AMBP: variants seen among roughly 807,000 people sequenced by gnomAD.
AMBP encodes the protein protein AMBP.
Under a neutral mutation model 46.3 loss-of-function variants are expected in AMBP, and 37 were observed. The observed-to-expected ratio is 0.80, with a 90% CI of 0.61 to 1.05. AMBP has a LOEUF of 1.05. Among genes scored for constraint, AMBP ranks in the 50% least tolerant of loss-of-function variants. The pLI is 0.00. For missense variants in AMBP, 475 were observed against 461.2 expected (o/e 1.03, Z -0.27); for synonymous variants, 174 against 175.9 (o/e 0.99, Z 0.09).
intron 3 of AMBP, 84 bp downstream of exon 3, chr9:114,074,876 G>T (rs746000339): frequency 3.2e-6 from 4 of 1,239,320 alleles, no homozygotes; most frequent in South Asian, 1.3e-5. Context: ...GGGAGGAAAG[G>T]TTACAGAGGC....
chr9:114,060,139 A>T lies in AMBP; in HGVS notation c.*100T>A. 1 of 1,251,066 alleles carries T rather than the reference A, an allele frequency of 8.0e-7. No individual in the cohort carries two copies. Among genetic ancestry groups the T allele is most frequent in the Non-Finnish European group, 1.1e-6 (1 of 896,694 alleles). The allele number at this position is 1,251,066 out of a possible 1,614,324, so 77.5% of individuals were successfully genotyped here. A position where few individuals can be genotyped will look rare whatever the true frequency, so the allele number is the denominator to read the frequency against. ...TGAGGACACAGAATTTCAGGAGTTTACAATTTAGTTTTTATTTGGACCCAG... is the reference window on the plus strand; with the variant it reads ...TGAGGACACAGAATTTCAGGAGTTTTCAATTTAGTTTTTATTTGGACCCAG... On this transcript the variant is annotated 3_prime_UTR_variant, in exon 10 of 10. Transcript: ENST00000265132.
rs771730642 is a variant in AMBP at position 114,078,195 on chromosome 9, C to T, written c.15G>A (p.Gly5=). ...AGGCGCTCAGCAGCAAGAGCAGGGCCCCGAGGCTCCTCATGGCTATGGGCT... is the reference window on the plus strand; with the variant it reads ...AGGCGCTCAGCAGCAAGAGCAGGGCTCCGAGGCTCCTCATGGCTATGGGCT... MRSL[G]ALLLLLSACL... Residue 5 remains glycine (G), a synonymous_variant, in exon 1 of 10, where the codon GGG becomes GGA. Transcript: ENST00000265132. 1 of 1,612,652 alleles carries T rather than the reference C, an allele frequency of 6.2e-7. No homozygotes were observed. The highest frequency in any genetic ancestry group is 8.5e-7 in the Non-Finnish European group (1 of 1,179,956).
At position 114,076,847 on chromosome 9, in the gene AMBP, T is replaced by G. The variant is rs1846818172; in HGVS notation, c.118-107A>C. 11 of 1,361,420 alleles carry G rather than the reference T, an allele frequency of 8.1e-6. No homozygotes were observed. In the South Asian group the frequency reaches 1.6e-4, roughly 19 times the overall value. 84.3% of individuals were successfully genotyped at this position (1,361,420 alleles called of 1,614,324 possible). On this transcript the variant is annotated intron_variant, in intron 1 of 9. Coordinates refer to ENST00000265132, the MANE Select transcript of AMBP (RefSeq NM_001633.4). Reference sequence around the variant, plus strand: ...CACCTCCTCCTCTTCCTCCTCCTTCTCCTCAAAATGACTTATCCTTTTAAG... The same window carrying G: ...CACCTCCTCCTCTTCCTCCTCCTTCGCCTCAAAATGACTTATCCTTTTAAG...
chr9:114,062,660 A>G lies in AMBP; in HGVS notation c.685+17T>C. 2 of 1,612,578 alleles carry G rather than the reference A, an allele frequency of 1.2e-6. No homozygotes were observed. Among genetic ancestry groups the G allele is most frequent in the Non-Finnish European group, 1.7e-6 (2 of 1,179,592 alleles). ...CTGGAGTATGGCAGAGGGGGTGAAA[A>G]GGCAGGTGTTCATTACCTTCTTTCT... On this transcript the variant is annotated intron_variant, in intron 7 of 9. Coordinates refer to ENST00000265132, the MANE Select transcript of AMBP (RefSeq NM_001633.4).
intron 4 of AMBP, 88 bp downstream of exon 4, chr9:114,073,948 A>T (rs779077024): frequency 1.6e-6 from 2 of 1,272,610 alleles, no homozygotes; most frequent in Non-Finnish European, 2.3e-6. Context: ...AAAAAGCAAA[A>T]CTCCCTGTGC....
chr9:114,064,669 A>AT (rs1846675734), intron 6 of AMBP, among the ~76,000 whole-genome samples: 1 of 152,018 alleles, frequency 6.6e-6, no homozygotes, highest in Non-Finnish European at 1.5e-5. Flanking sequence ...TAGCAAAAAA[A>AT]AAAATGAGTT....
At chr9:114,061,615 A>C (rs111823392) in intron 7 of AMBP, 24 bp from the exon 8 acceptor site, 3 of 1,574,634 alleles carry the variant, frequency 1.9e-6, no homozygotes, top group African/African-American at 2.7e-5. Context: ...GACCAGCAGC[A>C]CTGACCAAGT....
At chr9:114,073,984 A>T in intron 4 of AMBP, 52 bp downstream of exon 4, 1 of 1,554,026 alleles carries the variant, frequency 6.4e-7, no homozygotes, top group South Asian at 1.1e-5. Context: ...TCCATAAATC[A>T]ATGTCCTCCC....
intron 3 of AMBP, 137 bp downstream of exon 3, chr9:114,074,823 G>C: frequency 1.4e-6 from 1 of 712,588 alleles, no homozygotes; most frequent in Non-Finnish European, 2.5e-6. Context: ...GGAGGAAGAG[G>C]AGGAGTTGTT....
Position 114,078,274 on chromosome 9 carries a change from C to T in AMBP, c.-65G>A. The T allele has an allele frequency of 6.8e-7, 1 of 1,471,442 alleles. No homozygotes were observed. The highest frequency in any genetic ancestry group is 1.1e-5 in the South Asian group (1 of 87,792). 91.1% of individuals were successfully genotyped at this position (1,471,442 alleles called of 1,614,324 possible). ...GGTCTAGCAACAGAAGGGCCACCGC[C>T]TCCCTGCAACAGGGCAGCTGTGAAC... On this transcript the variant is annotated 5_prime_UTR_variant, in exon 1 of 10. Coordinates refer to ENST00000265132, the MANE Select transcript of AMBP (RefSeq NM_001633.4).
rs1846656483 is a variant in AMBP, at chr9:114,062,891, T to G, written c.604-133A>C. 7 of 803,290 alleles carry G rather than the reference T, an allele frequency of 8.7e-6. No individual in the cohort carries two copies. The South Asian group carries it at 1.1e-4, about 13-fold the overall frequency. 49.8% of individuals were successfully genotyped at this position (803,290 alleles called of 1,614,324 possible). On this transcript the variant is annotated intron_variant, in intron 6 of 9. Transcript: ENST00000265132. ...GTAGGAACACAGCTCTTAGACTGGT[T>G]AAAGGAGACTGTTTTCCCAAAAGTG...
At chr9:114,073,125 T>G (rs1846763416) in intron 4 of AMBP, 99 bp from the exon 5 acceptor site, 1 of 976,052 alleles carries the variant, frequency 1.0e-6, no homozygotes, top group Non-Finnish European at 1.5e-6. Flanking sequence ...TAGGGAAAAT[T>G]TGAAAACTAT....
intron 4 of AMBP, 112 bp from the exon 5 acceptor site, chr9:114,073,138 A>G (rs905032505): frequency 1.1e-6 from 1 of 890,928 alleles, no homozygotes; most frequent in Non-Finnish European, 1.7e-6. Flanking sequence ...AAAACTATTG[A>G]TGCAGTTTAA....
intron 5 of AMBP, among the ~76,000 whole-genome samples, chr9:114,071,446 G>T (rs1424469596): frequency 3.3e-5 from 5 of 152,258 alleles, no homozygotes; most frequent in Non-Finnish European, 7.3e-5. Context: ...GCCGAGTGGG[G>T]GCTGATGGCA....
intron 3 of AMBP, 94 bp downstream of exon 3, chr9:114,074,866 G>T: frequency 1.8e-6 from 2 of 1,098,636 alleles, no homozygotes; most frequent in Non-Finnish European, 2.8e-6. Flanking sequence ...TCAGCTAAAT[G>T]GGAGGAAAGG....
At chr9:114,070,773 T>A (rs1322409726) in intron 5 of AMBP, among the ~76,000 whole-genome samples, 1 of 151,978 alleles carries the variant, frequency 6.6e-6, no homozygotes, top group Non-Finnish European at 1.5e-5. Context: ...CAGGTTCCTG[T>A]GCCTTGGGAG....
chr9:114,069,203 TAAAAG>T (rs776654982), intron 6 of AMBP, among the ~76,000 whole-genome samples: 14 of 151,714 alleles, frequency 9.2e-5, no homozygotes, highest in South Asian at 4.2e-4. Flanking sequence ...TGCAAGAAAA[TAAAAG>T]AGAAGCATAG....
At chr9:114,062,865 G>A (rs1311185745) in intron 6 of AMBP, 107 bp from the exon 7 acceptor site, 1 of 1,119,836 alleles carries the variant, frequency 8.9e-7, no homozygotes, top group East Asian at 2.4e-5. Context: ...AATCAGGGTA[G>A]GTAGGAACAC....
chr9:114,067,715 C>G (rs181592537), intron 6 of AMBP, among the ~76,000 whole-genome samples: 1 of 152,018 alleles, frequency 6.6e-6, no homozygotes, highest in South Asian at 2.1e-4. Context: ...TAGCAATAAT[C>G]GGCGCTTGAG....
Sources: allele counts gnomAD v4.1 joint callset (sites outside exome capture counted in the v4.1 genomes callset), GRCh38; gene constraint gnomAD v4.1.1; transcripts MANE v1.5; gene names NCBI Gene and HGNC (gene_info 2026-07-23, HGNC 2026-07-21).